ACVR1: variants seen among roughly 807,000 people sequenced by gnomAD.
The protein encoded by ACVR1 is activin receptor type-1.
Under a neutral mutation model 57.1 loss-of-function variants are expected in ACVR1, and 38 were observed. That is an observed-to-expected ratio of 0.67 (90% CI 0.51 to 0.87). The LOEUF is 0.87. Ranked by LOEUF, ACVR1 falls within the 40% of genes least tolerant of loss-of-function variation. The pLI, the probability that ACVR1 is intolerant of heterozygous loss-of-function variation, is 0.00. For missense variants in ACVR1, 463 were observed against 638.2 expected (o/e 0.73, Z 2.96); for synonymous variants, 212 against 228.1 (o/e 0.93, Z 0.63).
At chr2:157,863,011 CTTTTTTTT>C (rs374223805) in intron 1 of ACVR1, among the ~76,000 whole-genome samples, 9 of 62,334 alleles carry the variant, frequency 1.4e-4, no homozygotes, top group African/African-American at 4.4e-4. Context: ...AGAACATTTA[CTTTTTTTT>C]TTTTTTTTTT....
intron 1 of ACVR1, among the ~76,000 whole-genome samples, chr2:157,842,014 G>C (rs796653590): frequency 4.5e-4 from 54 of 120,772 alleles, no homozygotes; most frequent in African/African-American, 1.7e-3. Context: ...GCGACACAGA[G>C]AGACTCCATC....
Position 157,800,694 on chromosome 2 carries a change from G to C in ACVR1, c.-7-1194C>G, listed in dbSNP as rs1268717129. ...TTTTTAAAAGCATATGAAACTTGAG[G>C]AAGATCCTACTACTGTTGTTGTTTT... On this transcript the variant is annotated intron_variant, in intron 2 of 10. Coordinates refer to ENST00000434821, the MANE Select transcript of ACVR1 (RefSeq NM_001111067.4). 4.6e-5 allele frequency among the ~76,000 whole-genome samples: 7 copies of C among 152,072 alleles called. 1 individual carries two copies. The East Asian group carries it at 1.4e-3, about 29-fold the overall frequency.
At chr2:157,814,736 A>G (rs573878555) in intron 2 of ACVR1, among the ~76,000 whole-genome samples, 2 of 152,324 alleles carry the variant, frequency 1.3e-5, no homozygotes, top group Admixed American at 1.3e-4. Flanking sequence ...TATACCCATC[A>G]ATATTGTTAA....
chr2:157,850,720 G>C (rs1689268501), intron 1 of ACVR1, among the ~76,000 whole-genome samples: 2 of 152,146 alleles, frequency 1.3e-5, no homozygotes, highest in Admixed American at 6.5e-5. Context: ...ACTTTGGGAG[G>C]CCAAGGCAGG....
intron 3 of ACVR1, chr2:157,790,240 G>C (rs933407007): frequency 6.6e-6 from 1 of 152,270 alleles, no homozygotes; most frequent in African/African-American, 2.4e-5. Context: ...GCTCAGTCAG[G>C]AGCTGCACAT....
intron 1 of ACVR1, among the ~76,000 whole-genome samples, chr2:157,868,484 CAAA>C (rs11287777): frequency 1.4e-4 from 20 of 140,016 alleles, no homozygotes; most frequent in Non-Finnish European, 1.4e-4. Context: ...GACTCCATCT[CAAA>C]AAAAAAAAAA....
intron 9 of ACVR1, among the ~76,000 whole-genome samples, chr2:157,757,641 C>T (rs530992298): frequency 3.3e-5 from 5 of 151,936 alleles, no homozygotes; most frequent in African/African-American, 9.6e-5. Context: ...AAGAATACTA[C>T]ACTCAACACA....
Position 157,824,019 on chromosome 2 carries a change from A to G in ACVR1, c.-182-5460T>C, listed in dbSNP as rs59752446. ...TGCAGAGCTGCCACGTATGAAGTACATGGCACTCAGTGGATGCTAATAAAT... is the reference window on the plus strand; with the variant it reads ...TGCAGAGCTGCCACGTATGAAGTACGTGGCACTCAGTGGATGCTAATAAAT... On this transcript the variant is annotated intron_variant, in intron 1 of 10. Coordinates refer to ENST00000434821, the MANE Select transcript of ACVR1 (RefSeq NM_001111067.4). Among the ~76,000 whole-genome samples, 1,296 of 152,302 alleles carry G rather than the reference A, an allele frequency of 8.5e-3. 20 individuals carry two copies. Among genetic ancestry groups the G allele is most frequent in the African/African-American group, 0.029 (1,220 of 41,574 alleles).
intron 3 of ACVR1, among the ~76,000 whole-genome samples, chr2:157,784,264 A>G (rs907761797): frequency 1.1e-4 from 16 of 152,186 alleles, no homozygotes; most frequent in African/African-American, 3.9e-4. Flanking sequence ...GTGGACTCCT[A>G]ATCTTTCAGG....
chr2:157,754,691 T>C (rs184471615), intron 9 of ACVR1, among the ~76,000 whole-genome samples: 1 of 152,210 alleles, frequency 6.6e-6, no homozygotes, highest in African/African-American at 2.4e-5. Flanking sequence ...CAAAGAAGAA[T>C]TGGTACCAAT....
chr2:157,778,568 A>G (rs1021032232), intron 4 of ACVR1, among the ~76,000 whole-genome samples: 1 of 152,222 alleles, frequency 6.6e-6, no homozygotes, highest in South Asian at 2.1e-4. Flanking sequence ...CTGAGAATCA[A>G]TTGCATTAAT....
At chr2:157,810,705 T>C (rs10497191) in intron 2 of ACVR1, among the ~76,000 whole-genome samples, 103,447 of 152,018 alleles carry the variant, frequency 0.68, 42,248 homozygotes, top group East Asian at 0.91. Flanking sequence ...GCAATCTCTC[T>C]TACATCATCA....
At position 157,762,914 on chromosome 2, in the gene ACVR1, T is replaced by C. The variant is rs181359014; in HGVS notation, c.1067-1837A>G. On this transcript the variant is annotated intron_variant, in intron 8 of 10. Transcript: ENST00000434821. ...CAGCTCTGGTTGAGCGTTCAGATGATTGCAACCTCCACGAGACCCTGAGCC... is the reference window on the plus strand; with the variant it reads ...CAGCTCTGGTTGAGCGTTCAGATGACTGCAACCTCCACGAGACCCTGAGCC... Among the ~76,000 whole-genome samples the C allele has an allele frequency of 1.3e-4, 20 of 152,276 alleles. 1 individual carries two copies. Among genetic ancestry groups the C allele is most frequent in the Admixed American group, 7.8e-4 (12 of 15,294 alleles).
chr2:157,737,466 A>G lies in ACVR1; in HGVS notation c.*65T>C. The G allele has an allele frequency of 6.3e-7, 1 of 1,594,750 alleles. No homozygotes were observed. Among genetic ancestry groups the G allele is most frequent in the Non-Finnish European group, 8.6e-7 (1 of 1,167,258 alleles). On this transcript the variant is annotated 3_prime_UTR_variant, in exon 11 of 11. Coordinates refer to ENST00000434821, the MANE Select transcript of ACVR1 (RefSeq NM_001111067.4). ...TTCCATTCTGACAACCAGTCAGGCCAGCATTAGGTCCCAGCTGGACAATGA... is the reference window on the plus strand; with the variant it reads ...TTCCATTCTGACAACCAGTCAGGCCGGCATTAGGTCCCAGCTGGACAATGA...
chr2:157,764,340 G>A lies in ACVR1; in HGVS notation c.1066+1581C>T, dbSNP rs1016581749. ...TGAGATTCCAGACGCACGCTACCAC[G>A]CCCGGCTATTATTATTATTTTTCTT... On this transcript the variant is annotated intron_variant, in intron 8 of 10. Coordinates refer to ENST00000434821, the MANE Select transcript of ACVR1 (RefSeq NM_001111067.4). 6.7e-5 allele frequency among the ~76,000 whole-genome samples: 10 copies of A among 150,200 alleles called. No homozygotes were observed. The South Asian group carries it at 2.1e-3, about 32-fold the overall frequency.
intron 2 of ACVR1, 81 bp downstream of exon 2, chr2:157,818,304 G>A (rs1185419930): frequency 6.6e-6 from 1 of 152,222 alleles, no homozygotes; most frequent in African/African-American, 2.4e-5. Flanking sequence ...AGTATTAAAA[G>A]AAGTGATTTG....
At chr2:157,838,896 C>A (rs893889607) in intron 1 of ACVR1, among the ~76,000 whole-genome samples, 2 of 152,174 alleles carry the variant, frequency 1.3e-5, no homozygotes, top group African/African-American at 4.8e-5. Flanking sequence ...AGCCCTCCAA[C>A]ATGCAGGTGT....
intron 9 of ACVR1, among the ~76,000 whole-genome samples, chr2:157,739,497 A>T (rs1319766343): frequency 6.6e-6 from 1 of 152,218 alleles, no homozygotes; most frequent in Admixed American, 6.5e-5. Context: ...AAACCAAGAC[A>T]TCTATTATTT....
intron 9 of ACVR1, among the ~76,000 whole-genome samples, chr2:157,740,889 T>C (rs1684731819): frequency 6.6e-6 from 1 of 152,232 alleles, no homozygotes; most frequent in Non-Finnish European, 1.5e-5. Flanking sequence ...TAGTCAAGCC[T>C]CTTTTTCCTC....
Sources: allele counts gnomAD v4.1 joint callset (sites outside exome capture counted in the v4.1 genomes callset), GRCh38; gene constraint gnomAD v4.1.1; transcripts MANE v1.5; gene names NCBI Gene and HGNC (gene_info 2026-07-23, HGNC 2026-07-21).